DPP4: variants seen among roughly 807,000 people sequenced by gnomAD.
The protein encoded by DPP4 is ADCP-2.
DPP4 carries 93 observed loss-of-function variants against 122.4 expected under a neutral mutation model. The observed-to-expected ratio is 0.76, with a 90% CI of 0.64 to 0.90. The LOEUF (loss-of-function observed/expected upper bound fraction) is 0.90. Ranked by LOEUF, DPP4 falls within the 40% of genes least tolerant of loss-of-function variation. The pLI, the probability that DPP4 is intolerant of heterozygous loss-of-function variation, is 0.00. For missense variants in DPP4, 914 were observed against 907.3 expected (o/e 1.01, Z -0.09); for synonymous variants, 321 against 302.9 (o/e 1.06, Z -0.62).
intron 20 of DPP4, among the ~76,000 whole-genome samples, chr2:162,010,885 C>T (rs1670315274): frequency 6.6e-6 from 1 of 152,104 alleles, no homozygotes; most frequent in African/African-American, 2.4e-5. Flanking sequence ...GATTTCATAA[C>T]ATTATTTTCA....
chr2:162,022,096 G>A (rs1187119150), intron 12 of DPP4, among the ~76,000 whole-genome samples: 1 of 152,098 alleles, frequency 6.6e-6, no homozygotes, highest in Admixed American at 6.5e-5. Context: ...TACCATGCAA[G>A]GTGACATGAT....
chr2:162,014,855 T>G (rs1264715026), intron 18 of DPP4, among the ~76,000 whole-genome samples: 1 of 152,196 alleles, frequency 6.6e-6, no homozygotes, highest in Non-Finnish European at 1.5e-5. Flanking sequence ...TGAATTTCCT[T>G]GAAGCTGTTT....
At chr2:162,042,002 A>G (rs2106128015) in intron 5 of DPP4, among the ~76,000 whole-genome samples, 1 of 152,310 alleles carries the variant, frequency 6.6e-6, no homozygotes. Flanking sequence ...AGAGAGGATT[A>G]TGGAAAAGAT....
rs1162596762 is a variant in DPP4 at position 162,045,427 on chromosome 2, C to T, written c.366+105G>A. 5 of 796,368 alleles carry T rather than the reference C, an allele frequency of 6.3e-6. No individual in the cohort carries two copies. In the East Asian group the frequency reaches 1.0e-4, roughly 16 times the overall value. The allele number at this position is 796,368 out of a possible 1,614,324, so 49.3% of individuals were successfully genotyped here. A position where few individuals can be genotyped will look rare whatever the true frequency, so the allele number is the denominator to read the frequency against. On this transcript the variant is annotated intron_variant, in intron 5 of 25. Coordinates refer to ENST00000360534, the MANE Select transcript of DPP4 (RefSeq NM_001935.4). The stretch of plus-strand genomic sequence containing the variant: ...AATTAATGAGTTTTAGTGCCTATTA[C>T]ATTACTTAGATATTAATCTTAAGTA...
intron 15 of DPP4, 117 bp from the exon 16 acceptor site, chr2:162,018,967 C>CT (rs35605823): frequency 0.063 from 64,563 of 1,027,942 alleles, 402 homozygotes; most frequent in East Asian, 0.21. Flanking sequence ...ATCTTTAGGA[C>CT]TTTTTTTTTT....
intron 14 of DPP4, among the ~76,000 whole-genome samples, chr2:162,019,797 C>G (rs1405314274): frequency 6.6e-6 from 1 of 152,090 alleles, no homozygotes; most frequent in Non-Finnish European, 1.5e-5. Flanking sequence ...AAAATAACAC[C>G]CCCTTTTCTA....
chr2:162,016,034 T>G (rs1682909802), intron 18 of DPP4, among the ~76,000 whole-genome samples: 1 of 152,150 alleles, frequency 6.6e-6, no homozygotes, highest in Non-Finnish European at 1.5e-5. Context: ...ATGTAAACTG[T>G]TTTTCACGAG....
At chr2:161,993,467 T>G in intron 25 of DPP4, 83 bp from the exon 26 acceptor site, 87 of 926,032 alleles carry the variant, frequency 9.4e-5, no homozygotes, top group Non-Finnish European at 1.4e-4. Context: ...AAATGAGCTC[T>G]CACGAGCATA....
At chr2:162,003,947 C>T (rs1450891365) in intron 23 of DPP4, among the ~76,000 whole-genome samples, 2 of 152,022 alleles carry the variant, frequency 1.3e-5, no homozygotes. Flanking sequence ...TACAAGGAAA[C>T]TATCAAAAGG....
At chr2:162,014,203 C>G (rs923568240) in intron 19 of DPP4, among the ~76,000 whole-genome samples, 193 bp downstream of exon 19, 3 of 152,126 alleles carry the variant, frequency 2.0e-5, no homozygotes, top group East Asian at 1.9e-4. Context: ...AAAGGAGTAT[C>G]TCCCTTCTCT....
chr2:162,006,923 G>C (rs966367814), intron 22 of DPP4, among the ~76,000 whole-genome samples: 2 of 151,886 alleles, frequency 1.3e-5, no homozygotes, highest in Non-Finnish European at 2.9e-5. Context: ...TTTTAAAAAT[G>C]GATATATTAT....
At chr2:162,049,142 G>T (rs969069530) in intron 2 of DPP4, among the ~76,000 whole-genome samples, 1 of 152,150 alleles carries the variant, frequency 6.6e-6, no homozygotes, top group Non-Finnish European at 1.5e-5. Flanking sequence ...TACAATTTGG[G>T]GGACTGGGAA....
intron 11 of DPP4, 119 bp from the exon 12 acceptor site, chr2:162,022,918 C>A (rs1683186915): frequency 2.0e-6 from 2 of 979,288 alleles, no homozygotes; most frequent in South Asian, 2.7e-5. Flanking sequence ...TATCTCCATT[C>A]ATATATTTCT....
At chr2:162,022,822 A>C in intron 11 of DPP4, 23 bp from the exon 12 acceptor site, 2 of 1,613,526 alleles carry the variant, frequency 1.2e-6, no homozygotes, top group East Asian at 4.5e-5. Flanking sequence ...AGAGACAATG[A>C]CAGCATTTCA....
At chr2:162,071,369 T>G (rs1055645193) in intron 2 of DPP4, among the ~76,000 whole-genome samples, 1 of 152,112 alleles carries the variant, frequency 6.6e-6, no homozygotes, top group African/African-American at 2.4e-5. Context: ...CTCCGCCGGG[T>G]GCAGTGGCTT....
intron 2 of DPP4, among the ~76,000 whole-genome samples, chr2:162,063,132 T>C (rs1684838128): frequency 6.6e-6 from 1 of 152,154 alleles, no homozygotes; most frequent in Admixed American, 6.5e-5. Flanking sequence ...ACACATTGGA[T>C]GTGACTTGTG....
Position 162,045,519 on chromosome 2 carries a change from G to A in DPP4, c.366+13C>T, listed in dbSNP as rs574379576. 1.3e-6 allele frequency: 2 copies of A among 1,567,408 alleles called. No individual in the cohort carries two copies. Among genetic ancestry groups the A allele is most frequent in the Admixed American group, 1.7e-5 (1 of 59,754 alleles). On this transcript the variant is annotated intron_variant, in intron 5 of 25. Transcript: ENST00000360534. ...ATTATTTAAATGTTACAGTAAGAAAGCATTTATTTTACCTTCACGTAGTTG... is the reference window on the plus strand; with the variant it reads ...ATTATTTAAATGTTACAGTAAGAAAACATTTATTTTACCTTCACGTAGTTG...
At chr2:162,069,913 CAAAAG>C (rs1043966240) in intron 2 of DPP4, among the ~76,000 whole-genome samples, 1 of 151,894 alleles carries the variant, frequency 6.6e-6, no homozygotes, top group African/African-American at 2.4e-5. Context: ...GTGAAAGGAG[CAAAAG>C]AAGAGATATA....
chr2:162,008,881 A>T (rs1576036905), intron 21 of DPP4, among the ~76,000 whole-genome samples: 1 of 152,256 alleles, frequency 6.6e-6, no homozygotes, highest in South Asian at 2.1e-4. Context: ...GGGGAAAACT[A>T]CGGAAAATTT....
Sources: allele counts gnomAD v4.1 joint callset (sites outside exome capture counted in the v4.1 genomes callset), GRCh38; gene constraint gnomAD v4.1.1; transcripts MANE v1.5; gene names NCBI Gene and HGNC (gene_info 2026-07-23, HGNC 2026-07-21).